Variants in HECW2 observed in about 807,000 individuals in gnomAD.
HECW2 encodes E3 ubiquitin-protein ligase HECW2.
Under a neutral mutation model 175.2 loss-of-function variants are expected in HECW2, and 61 were observed. That is an observed-to-expected ratio of 0.35 (90% CI 0.28 to 0.43). HECW2 has a LOEUF of 0.43. Ranked by LOEUF, HECW2 falls within the 20% of genes least tolerant of loss-of-function variation. The probability of loss-of-function intolerance (pLI) is 1.00; values close to 1 mark genes in which losing one functional copy is unlikely to be tolerated. For synonymous variants in HECW2, 671 were observed against 731.0 expected, an observed-to-expected ratio of 0.92 and a Z score of 1.32; for missense variants, 1,524 against 2,000.5, an observed-to-expected ratio of 0.76 and a Z score of 4.54.
In HECW2 at chr2:196,201,439, A is replaced by G. The variant is rs569307790; in HGVS notation, c.4608-51T>C. 2.3e-6 allele frequency: 3 copies of G among 1,316,104 alleles called. 1 individual carries two copies. The South Asian group carries it at 3.5e-5, about 15-fold the overall frequency. The allele number at this position is 1,316,104 out of a possible 1,614,324, so 81.5% of individuals were successfully genotyped here. A position where few individuals can be genotyped will look rare whatever the true frequency, so the allele number is the denominator to read the frequency against. ...GTTTAGAACAGGCCGAGTGAAATGA[A>G]AATGTGTGTGGTGTGTGTGTGTGTG... is the stretch of plus-strand genomic sequence containing the variant. On this transcript the variant is annotated intron_variant, in intron 28 of 28. Coordinates refer to ENST00000644978, the MANE Select transcript of HECW2 (RefSeq NM_001348768.2).
At chr2:196,367,927 T>C (rs1237534804) in intron 2 of HECW2, among the ~76,000 whole-genome samples, 2 of 151,356 alleles carry the variant, frequency 1.3e-5, no homozygotes, top group Admixed American at 6.6e-5. Context: ...ATGAGATACA[T>C]AGATACATAT....
At chr2:196,450,926 C>T (rs946607011) in intron 1 of HECW2, among the ~76,000 whole-genome samples, 1 of 152,040 alleles carries the variant, frequency 6.6e-6, no homozygotes, top group African/African-American at 2.4e-5. Flanking sequence ...CAAGTATATC[C>T]AAATTTGTTA....
At chr2:196,416,822 C>A (rs1438452949) in intron 2 of HECW2, among the ~76,000 whole-genome samples, 1 of 152,214 alleles carries the variant, frequency 6.6e-6, no homozygotes, top group Non-Finnish European at 1.5e-5. Context: ...CACAAGCTAA[C>A]TTCTTCTCTG....
intron 14 of HECW2, among the ~76,000 whole-genome samples, chr2:196,282,713 T>A (rs1690233081): frequency 6.6e-6 from 1 of 152,190 alleles, no homozygotes; most frequent in Admixed American, 6.5e-5. Flanking sequence ...GTAGCAGGCT[T>A]CAGAGAGAAT....
intron 13 of HECW2, among the ~76,000 whole-genome samples, chr2:196,301,994 T>C (rs113180575): frequency 6.6e-6 from 1 of 152,124 alleles, no homozygotes; most frequent in African/African-American, 2.4e-5. Flanking sequence ...CTAGATTTTT[T>C]TGTAGGGTTT....
intron 2 of HECW2, among the ~76,000 whole-genome samples, chr2:196,415,880 T>C (rs1482951723): frequency 6.6e-6 from 1 of 152,096 alleles, no homozygotes; most frequent in South Asian, 2.1e-4. Context: ...TCAAAGGGTG[T>C]TGGGAGTTGA....
intron 1 of HECW2, among the ~76,000 whole-genome samples, chr2:196,525,267 A>G (rs1162474034): frequency 1.7e-4 from 22 of 126,824 alleles, no homozygotes; most frequent in African/African-American, 7.1e-4. Flanking sequence ...TTGTTGGTTT[A>G]AAGTCTGTTT....
intron 1 of HECW2, among the ~76,000 whole-genome samples, chr2:196,588,115 C>T (rs1200464654): frequency 2.0e-5 from 3 of 152,180 alleles, no homozygotes; most frequent in African/African-American, 7.2e-5. Flanking sequence ...TTCCAAAGCA[C>T]TCATCTCCTT....
intron 14 of HECW2, chr2:196,290,599 CA>C (rs1690569454): frequency 6.6e-6 from 1 of 152,148 alleles, no homozygotes; most frequent in South Asian, 2.1e-4. Context: ...AAAATCTTGT[CA>C]GAGCTGAAAA....
At chr2:196,262,376 T>C (rs958993335) in intron 17 of HECW2, among the ~76,000 whole-genome samples, 1 of 152,166 alleles carries the variant, frequency 6.6e-6, no homozygotes, top group Non-Finnish European at 1.5e-5. Flanking sequence ...AGTGGTAATA[T>C]AATGAAGATT....
chr2:196,397,469 CTTAAA>C (rs1694703158), intron 2 of HECW2, among the ~76,000 whole-genome samples: 1 of 152,212 alleles, frequency 6.6e-6, no homozygotes, highest in Non-Finnish European at 1.5e-5. Context: ...TTTGTGAAAT[CTTAAA>C]TTCTTTTTGG....
chr2:196,290,405 GA>G (rs1690563378), intron 14 of HECW2: 1 of 152,220 alleles, frequency 6.6e-6, no homozygotes, highest in Non-Finnish European at 1.5e-5. Flanking sequence ...GTTAGTAAAA[GA>G]ACCTCTCTCC....
At chr2:196,260,319 A>G (rs1689236786) in intron 17 of HECW2, 1 of 152,210 alleles carries the variant, frequency 6.6e-6, no homozygotes, top group Non-Finnish European at 1.5e-5. Context: ...GCTATGGGTC[A>G]TATGCTTTCA....
rs61183032 is a variant in HECW2 at position 196,534,282 on chromosome 2, GAA to G, written c.-36+59224_-36+59225del. Among the ~76,000 whole-genome samples the G allele has an allele frequency of 2.4e-3, 356 of 145,758 alleles. 3 individuals carry two copies. Among genetic ancestry groups the G allele is most frequent in the Middle Eastern group, 0.014 (4 of 282 alleles). On this transcript the variant is annotated intron_variant, in intron 1 of 28. Coordinates refer to ENST00000644978, the MANE Select transcript of HECW2 (RefSeq NM_001348768.2). ...TGTCAGGGCCTCCGTTTTTGTGCAG[GAA>G]AAAAAAAAAAATCTTTACTCTACTT...
At chr2:196,385,153 C>T (rs1409373470) in intron 2 of HECW2, among the ~76,000 whole-genome samples, 3 of 152,060 alleles carry the variant, frequency 2.0e-5, no homozygotes, top group Admixed American at 6.6e-5. Flanking sequence ...CTCAAGCAAT[C>T]GTCCTGCCTT....
At chr2:196,236,007 C>T (rs1688241208) in intron 21 of HECW2, among the ~76,000 whole-genome samples, 1 of 152,030 alleles carries the variant, frequency 6.6e-6, no homozygotes, top group Admixed American at 6.6e-5. Flanking sequence ...TTTAGCTAAT[C>T]TACTGTAAAT....
intron 10 of HECW2, among the ~76,000 whole-genome samples, chr2:196,310,768 T>TTGTGTGTGTGTGTGTG (rs143340435): frequency 0.42 from 62,584 of 148,008 alleles, 15,969 homozygotes; most frequent in East Asian, 0.6. Flanking sequence ...AGCAACGATT[T>TTGTGTGTGTGTGTGTG]TGTGTGTGTG....
At chr2:196,321,615 G>C (rs974464586) in intron 7 of HECW2, among the ~76,000 whole-genome samples, 1 of 152,040 alleles carries the variant, frequency 6.6e-6, no homozygotes, top group Non-Finnish European at 1.5e-5. Context: ...GGCCAGGCTG[G>C]TCTCGAACTC....
At chr2:196,559,852 T>A (rs1005922040) in intron 1 of HECW2, among the ~76,000 whole-genome samples, 1 of 152,172 alleles carries the variant, frequency 6.6e-6, no homozygotes, top group African/African-American at 2.4e-5. Context: ...TATTAAACAA[T>A]TGTATTGAGC....
Sources: gnomAD v4.1 joint callset for allele counts (sites outside exome capture counted in the v4.1 genomes callset) on GRCh38, gnomAD v4.1.1 for gene constraint, MANE v1.5 for transcripts, NCBI Gene and HGNC (gene_info 2026-07-23, HGNC 2026-07-21) for gene names.